The following SLC9A2 variants were observed in gnomAD, a reference collection of about 807,000 sequenced individuals.
SLC9A2 encodes the protein solute carrier family 9 member A2, also known as sodium/hydrogen exchanger 2.
In SLC9A2, 42 loss-of-function variants were observed where a neutral mutation model predicts 71.7. The ratio of observed to expected loss-of-function variants is 0.59; its 90% CI spans 0.46 to 0.76. The LOEUF is 0.76. SLC9A2 is among the 30% of genes least tolerant of loss of function. The probability of loss-of-function intolerance (pLI) is 0.00; values close to 1 mark genes in which losing one functional copy is unlikely to be tolerated. For missense variants in SLC9A2, 829 were observed against 1,017.4 expected (o/e 0.81, Z 2.52); for synonymous variants, 396 against 392.5 (o/e 1.01, Z -0.10).
intron 1 of SLC9A2, among the ~76,000 whole-genome samples, chr2:102,620,538 A>G (rs188637055): frequency 4.6e-5 from 7 of 152,292 alleles, no homozygotes; most frequent in Non-Finnish European, 1.0e-4. Context: ...CCTGGATGCT[A>G]CAGGAGAGAG....
chr2:102,671,516 CT>C (rs1209920727), intron 3 of SLC9A2, among the ~76,000 whole-genome samples: 1 of 152,124 alleles, frequency 6.6e-6, no homozygotes, highest in Non-Finnish European at 1.5e-5. Flanking sequence ...TATTGTATAA[CT>C]TTGCCTGAAC....
At chr2:102,654,629 A>T (rs1676903264) in intron 1 of SLC9A2, among the ~76,000 whole-genome samples, 1 of 152,220 alleles carries the variant, frequency 6.6e-6, no homozygotes, top group African/African-American at 2.4e-5. Context: ...GACTGTAAGT[A>T]TCTAAGGACT....
intron 9 of SLC9A2, among the ~76,000 whole-genome samples, chr2:102,702,703 C>T (rs923634274): frequency 3.9e-5 from 6 of 152,120 alleles, no homozygotes; most frequent in Admixed American, 1.3e-4. Context: ...GCCTTGGGGT[C>T]CCCTGGGAGT....
At chr2:102,666,961 TTTGA>T (rs1243097102) in intron 3 of SLC9A2, among the ~76,000 whole-genome samples, 1 of 152,196 alleles carries the variant, frequency 6.6e-6, no homozygotes, top group Non-Finnish European at 1.5e-5. Flanking sequence ...AAGATGATCA[TTTGA>T]TTGGGGGCTA....
At chr2:102,650,133 G>A (rs1424614481) in intron 1 of SLC9A2, among the ~76,000 whole-genome samples, 1 of 152,194 alleles carries the variant, frequency 6.6e-6, no homozygotes, top group Non-Finnish European at 1.5e-5. Flanking sequence ...GGAATACTAT[G>A]CAGCCATAAA....
chr2:102,691,357 C>G (rs924137461), intron 5 of SLC9A2, among the ~76,000 whole-genome samples: 1 of 152,126 alleles, frequency 6.6e-6, no homozygotes, highest in African/African-American at 2.4e-5. Context: ...GGGTTACTCC[C>G]TGGGTGATCT....
At chr2:102,696,609 A>C (rs1677773902) in intron 7 of SLC9A2, among the ~76,000 whole-genome samples, 1 of 152,202 alleles carries the variant, frequency 6.6e-6, no homozygotes, top group Admixed American at 6.5e-5. Context: ...GTGTGTGTAT[A>C]TATGGGTGTG....
Position 102,633,199 on chromosome 2 carries a change from A to G in SLC9A2, c.289+13062A>G, listed in dbSNP as rs115043441. On this transcript the variant is annotated intron_variant, in intron 1 of 11. Transcript: ENST00000233969. ...ATGGTAATTCTGGAAGGTAGGCACCATTATTATTCCTAGTTTTAAAAAATA... is the reference window on the plus strand; with the variant it reads ...ATGGTAATTCTGGAAGGTAGGCACCGTTATTATTCCTAGTTTTAAAAAATA... 1.8e-3 allele frequency among the ~76,000 whole-genome samples: 271 copies of G among 152,326 alleles called. 1 individual carries two copies. Among genetic ancestry groups the G allele is most frequent in the African/African-American group, 6.2e-3 (256 of 41,582 alleles).
intron 6 of SLC9A2, 143 bp from the exon 7 acceptor site, chr2:102,694,900 T>C: frequency 1.5e-6 from 1 of 676,954 alleles, no homozygotes; most frequent in Non-Finnish European, 2.5e-6. Context: ...AAATGAACTG[T>C]TTTATTGCTT....
At chr2:102,707,897 T>C (rs986178598) in intron 11 of SLC9A2, among the ~76,000 whole-genome samples, 2 of 152,170 alleles carry the variant, frequency 1.3e-5, no homozygotes, top group African/African-American at 4.8e-5. Flanking sequence ...ACACAGTAAG[T>C]TCTTCAAAGT....
chr2:102,635,133 T>C (rs918541327), intron 1 of SLC9A2, among the ~76,000 whole-genome samples: 2 of 152,236 alleles, frequency 1.3e-5, no homozygotes, highest in Non-Finnish European at 2.9e-5. Flanking sequence ...ATTTTAGAAA[T>C]GTCAACCCAC....
At chr2:102,626,736 T>C (rs570338636) in intron 1 of SLC9A2, among the ~76,000 whole-genome samples, 26 of 151,956 alleles carry the variant, frequency 1.7e-4, no homozygotes, top group Admixed American at 1.6e-3. Flanking sequence ...GAAAAAAACA[T>C]ACAACCCCAT....
In SLC9A2 at chr2:102,670,311, C is replaced by T. The variant is rs562114320; in HGVS notation, c.1004+4961C>T. Among the ~76,000 whole-genome samples the T allele has an allele frequency of 9.9e-5, 15 of 152,098 alleles. No individual in the cohort carries two copies. In the East Asian group the frequency reaches 2.7e-3, roughly 27 times the overall value. On this transcript the variant is annotated intron_variant, in intron 3 of 11. Coordinates refer to ENST00000233969, the MANE Select transcript of SLC9A2 (RefSeq NM_003048.6). ...GATTACAGGCAGGAGCCACCACGCC[C>T]GGCCGTGCCCAGTATTTTTTAGTTC...
intron 3 of SLC9A2, among the ~76,000 whole-genome samples, chr2:102,666,456 C>T (rs921350190): frequency 3.9e-5 from 6 of 152,142 alleles, no homozygotes; most frequent in Non-Finnish European, 8.8e-5. Context: ...CTTGGCCTCC[C>T]AAAATGCTGG....
chr2:102,662,205 A>G (rs372630042), intron 2 of SLC9A2, among the ~76,000 whole-genome samples: 2 of 152,206 alleles, frequency 1.3e-5, no homozygotes, highest in African/African-American at 4.8e-5. Context: ...TGCAGAGTCT[A>G]AGGGGGGATT....
intron 1 of SLC9A2, among the ~76,000 whole-genome samples, chr2:102,624,916 G>C (rs932067401): frequency 2.6e-5 from 4 of 152,164 alleles, no homozygotes; most frequent in Admixed American, 2.6e-4. Flanking sequence ...GAATTACAGA[G>C]ACTTTGATCT....
At chr2:102,708,040 G>A in intron 11 of SLC9A2, 79 bp from the exon 12 acceptor site, 2 of 1,469,064 alleles carry the variant, frequency 1.4e-6, no homozygotes, top group Non-Finnish European at 1.8e-6. Flanking sequence ...TCAGTTGCCT[G>A]ACTCACTAAG....
At chr2:102,633,547 A>G (rs551332537) in intron 1 of SLC9A2, among the ~76,000 whole-genome samples, 1 of 152,310 alleles carries the variant, frequency 6.6e-6, no homozygotes, top group South Asian at 2.1e-4. Flanking sequence ...GTGAGGACGA[A>G]TCAAAGTAAA....
chr2:102,683,183 T>C lies in SLC9A2; in HGVS notation c.1005-78T>C. The C allele has an allele frequency of 4.3e-6, 4 of 939,406 alleles. No homozygotes were observed. The South Asian group carries it at 5.8e-5, about 14-fold the overall frequency. 58.2% of individuals were successfully genotyped at this position (939,406 alleles called of 1,614,324 possible). A position where few individuals can be genotyped will look rare whatever the true frequency, so the allele number is the denominator to read the frequency against. On this transcript the variant is annotated intron_variant, in intron 3 of 11. Transcript: ENST00000233969. The stretch of plus-strand genomic sequence containing the variant: ...TGGGCAGAAGAGTAGAGCCATAATT[T>C]AGCTCTTAAGTGCTATCTCTTGCAT...
Sources: allele counts gnomAD v4.1 joint callset (sites outside exome capture counted in the v4.1 genomes callset), GRCh38; gene constraint gnomAD v4.1.1; transcripts MANE v1.5; gene names NCBI Gene and HGNC (gene_info 2026-07-23, HGNC 2026-07-21).